The following HYCC1 variants were observed in gnomAD, a reference collection of about 807,000 sequenced individuals.
The protein encoded by HYCC1 is hyccin PI4KA lipid kinase complex subunit 1, also known as hyccin.
the HYCC1 span, among the ~76,000 whole-genome samples, chr7:22,993,775 G>A: frequency 6.6e-6 from 1 of 152,148 alleles, no homozygotes; most frequent in South Asian, 2.1e-4. Flanking sequence ...AAGATATGGA[G>A]CAATCAATAT....
chr7:22,905,331 A>G, the HYCC1 span, among the ~76,000 whole-genome samples: 1 of 150,690 alleles, frequency 6.6e-6, no homozygotes, highest in Admixed American at 6.6e-5. Context: ...CAGCCTCCCA[A>G]GTAGTGAGTA....
the HYCC1 span, chr7:22,978,195 A>T: frequency 7.4e-7 from 1 of 1,350,812 alleles, no homozygotes; most frequent in Non-Finnish European, 1.1e-6. Flanking sequence ...GCTTTATTAA[A>T]ATGAAAAGCA....
At chr7:23,002,136 G>GTGTATA in the HYCC1 span, among the ~76,000 whole-genome samples, 1 of 76,604 alleles carries the variant, frequency 1.3e-5, no homozygotes, top group East Asian at 3.5e-4. Flanking sequence ...GGTAAAAATT[G>GTGTATA]TATATATATA....
the HYCC1 span, among the ~76,000 whole-genome samples, chr7:22,959,978 T>C: frequency 4.6e-5 from 7 of 152,224 alleles, no homozygotes; most frequent in African/African-American, 1.4e-4. Context: ...AATGTATGAG[T>C]AATTTTAAAA....
At chr7:22,929,847 T>C in the HYCC1 span, among the ~76,000 whole-genome samples, 1 of 152,190 alleles carries the variant, frequency 6.6e-6, no homozygotes. Context: ...ACTGGGTATA[T>C]ACCCAAAGGA....
the HYCC1 span, among the ~76,000 whole-genome samples, chr7:22,992,986 C>G: frequency 1.3e-5 from 2 of 152,096 alleles, no homozygotes; most frequent in Non-Finnish European, 2.9e-5. Flanking sequence ...TAGTATAAAA[C>G]TTACCAAAAA....
chr7:22,995,023 T>C, the HYCC1 span, among the ~76,000 whole-genome samples: 38 of 152,170 alleles, frequency 2.5e-4, 1 homozygote, highest in Admixed American at 2.4e-3. Context: ...CAACAGTTCT[T>C]CAAATGTTGC....
chr7:22,987,481 G>A, the HYCC1 span, among the ~76,000 whole-genome samples: 7 of 152,328 alleles, frequency 4.6e-5, no homozygotes, highest in East Asian at 1.3e-3. Flanking sequence ...CCAGGAGGTG[G>A]AGGTTGCAGT....
the HYCC1 span, among the ~76,000 whole-genome samples, chr7:22,954,474 TTTG>T: frequency 1.3e-3 from 197 of 151,440 alleles, no homozygotes; most frequent in African/African-American, 4.5e-3. Context: ...AAATCACTTT[TTTG>T]TTTTTTTTAA....
the HYCC1 span, among the ~76,000 whole-genome samples, chr7:22,955,766 G>C: frequency 6.6e-6 from 1 of 151,642 alleles, no homozygotes; most frequent in Non-Finnish European, 1.5e-5. Flanking sequence ...TTGTATACTA[G>C]AATACTGGAG....
chr7:22,949,783 A>G, the HYCC1 span, among the ~76,000 whole-genome samples: 1 of 152,032 alleles, frequency 6.6e-6, no homozygotes, highest in Non-Finnish European at 1.5e-5. Context: ...AAGTAATGAT[A>G]TTACATTTAA....
the HYCC1 span, chr7:22,945,167 C>G: frequency 8.7e-6 from 2 of 231,056 alleles, no homozygotes; most frequent in Non-Finnish European, 1.7e-5. Flanking sequence ...CCCATACATG[C>G]AGACTCCCTT....
chr7:23,013,662 G>T, the HYCC1 span, among the ~76,000 whole-genome samples: 1 of 146,038 alleles, frequency 6.8e-6, no homozygotes, highest in African/African-American at 2.6e-5. Context: ...TCCAGGCAGC[G>T]GGCAGGCTGC....
At chr7:22,928,931 C>T in the HYCC1 span, among the ~76,000 whole-genome samples, 1 of 152,278 alleles carries the variant, frequency 6.6e-6, no homozygotes, top group South Asian at 2.1e-4. Flanking sequence ...TGCTACCTGA[C>T]TTCAAACTAC....
the HYCC1 span, chr7:22,978,225 T>TGATTTTGTCAAAAAA: frequency 1.9e-6 from 3 of 1,574,188 alleles, no homozygotes; most frequent in Non-Finnish European, 2.6e-6. Flanking sequence ...GTTATATATT[T>TGATTTTGTCAAAAAA]GATTTTGTCA....
At chr7:22,907,396 C>T in the HYCC1 span, among the ~76,000 whole-genome samples, 1 of 152,198 alleles carries the variant, frequency 6.6e-6, no homozygotes, top group Non-Finnish European at 1.5e-5. Flanking sequence ...CAGGCAACCT[C>T]ATCACGGAAT....
At chr7:22,960,266 C>A in the HYCC1 span, 1 of 1,613,550 alleles carries the variant, frequency 6.2e-7, no homozygotes, top group Non-Finnish European at 8.5e-7. Context: ...CATGTCTTTT[C>A]CACCTATGAC....
chr7:22,926,725 A>T, the HYCC1 span, among the ~76,000 whole-genome samples: 69 of 151,370 alleles, frequency 4.6e-4, no homozygotes, highest in African/African-American at 1.0e-3. Context: ...CTCCCACACA[A>T]TAATAATGGG....
chr7:23,008,326 A>C, the HYCC1 span, among the ~76,000 whole-genome samples: 1 of 152,172 alleles, frequency 6.6e-6, no homozygotes, highest in Admixed American at 6.5e-5. Flanking sequence ...AATATCAAAT[A>C]TACCACTTGA....
Sources: gnomAD v4.1 joint callset for allele counts (sites outside exome capture counted in the v4.1 genomes callset) on GRCh38, gnomAD v4.1.1 for gene constraint, MANE v1.5 for transcripts, NCBI Gene and HGNC (gene_info 2026-07-23, HGNC 2026-07-21) for gene names.